The following LRRC8D variants were observed in gnomAD, a reference collection of about 807,000 sequenced individuals.
LRRC8D encodes volume-regulated anion channel subunit LRRC8D.
In LRRC8D, 20 loss-of-function variants were observed where a neutral mutation model predicts 55.8. That is an observed-to-expected ratio of 0.36 (90% CI 0.25 to 0.52). LRRC8D has a LOEUF of 0.52. Among genes scored for constraint, LRRC8D ranks in the 20% least tolerant of loss-of-function variants. The pLI, the probability that LRRC8D is intolerant of heterozygous loss-of-function variation, is 0.93. For synonymous variants in LRRC8D, 352 were observed against 377.0 expected (o/e 0.93, Z 0.77); for missense variants, 651 against 1,030.8 (o/e 0.63, Z 5.05).
intron 2 of LRRC8D, among the ~76,000 whole-genome samples, chr1:89,876,123 CT>C (rs1432524854): frequency 1.3e-5 from 2 of 152,124 alleles, no homozygotes; most frequent in Non-Finnish European, 1.5e-5. Flanking sequence ...CTCTTTCCTG[CT>C]GGACCCGTTG....
At chr1:89,909,117 T>G (rs1475772280) in intron 2 of LRRC8D, among the ~76,000 whole-genome samples, 1 of 152,108 alleles carries the variant, frequency 6.6e-6, no homozygotes, top group Non-Finnish European at 1.5e-5. Flanking sequence ...TCAACAACAA[T>G]AACAACAGAA....
At position 89,858,695 on chromosome 1, in the gene LRRC8D, A is replaced by C. The variant is rs576626936; in HGVS notation, c.-3+14913A>C. 3.6e-3 allele frequency among the ~76,000 whole-genome samples: 546 copies of C among 151,112 alleles called. 4 individuals are homozygous for C. Among genetic ancestry groups the C allele is most frequent in the South Asian group, 7.1e-3 (34 of 4,810 alleles). On this transcript the variant is annotated intron_variant, in intron 2 of 2. Transcript: ENST00000337338. ...TTGGACTTTTTTTTTTTCCTTCCTT[A>C]CTTGCTGCATCAAAGTGAACAAATG...
At chr1:89,826,304 G>C (rs1660759352) in intron 1 of LRRC8D, among the ~76,000 whole-genome samples, 1 of 151,712 alleles carries the variant, frequency 6.6e-6, no homozygotes, top group African/African-American at 2.4e-5. Flanking sequence ...TCGCTCTGTC[G>C]CCCAGGCTGG....
intron 2 of LRRC8D, among the ~76,000 whole-genome samples, chr1:89,925,286 A>G (rs1001749669): frequency 6.6e-5 from 10 of 152,110 alleles, no homozygotes; most frequent in Non-Finnish European, 1.2e-4. Context: ...CCCAGATGGG[A>G]CCGTCTAGTT....
Position 89,893,709 on chromosome 1 carries a change from T to C in LRRC8D, c.-2-39358T>C, listed in dbSNP as rs377119704. 9.2e-5 allele frequency among the ~76,000 whole-genome samples: 14 copies of C among 152,318 alleles called. 1 individual carries two copies. The highest frequency in any genetic ancestry group is 3.3e-4 in the Admixed American group (5 of 15,310). On this transcript the variant is annotated intron_variant, in intron 2 of 2. Coordinates refer to ENST00000337338, the MANE Select transcript of LRRC8D (RefSeq NM_001134479.2). ...ATGTCTTTTATACTGGATAGTAGTG[T>C]AAAATGCCTTGAGACATGCAGTTGG...
chr1:89,865,168 G>A (rs758207217), intron 2 of LRRC8D, among the ~76,000 whole-genome samples: 2 of 151,980 alleles, frequency 1.3e-5, no homozygotes, highest in Non-Finnish European at 2.9e-5. Flanking sequence ...AGGATCTCCC[G>A]TGTTTTTGAA....
In LRRC8D at chr1:89,825,692, G is replaced by A. The variant is rs150177223; in HGVS notation, c.-148+4401G>A. ...TGGCTTTAACTTGCCGTTGATGTAA[G>A]TTCATACTTAACTTGAATTTTACAG... is the stretch of plus-strand genomic sequence containing the variant. On this transcript the variant is annotated intron_variant, in intron 1 of 2. Transcript: ENST00000337338. Among the ~76,000 whole-genome samples the A allele has an allele frequency of 2.8e-3, 427 of 152,292 alleles. 3 individuals are homozygous for A. Among genetic ancestry groups the A allele is most frequent in the South Asian group, 6.0e-3 (29 of 4,824 alleles).
Position 89,847,680 on chromosome 1 carries a change from A to T in LRRC8D, c.-3+3898A>T, listed in dbSNP as rs150266803. The stretch of plus-strand genomic sequence containing the variant: ...ATTATAAAGTAAAAAATGCCTTCTT[A>T]GTCAAATTGTAAACTGTAATGCAGT... On this transcript the variant is annotated intron_variant, in intron 2 of 2. Coordinates refer to ENST00000337338, the MANE Select transcript of LRRC8D (RefSeq NM_001134479.2). Among the ~76,000 whole-genome samples, 331 of 152,332 alleles carry T rather than the reference A, an allele frequency of 2.2e-3. 2 individuals are homozygous for T. The highest frequency in any genetic ancestry group is 7.8e-3 in the African/African-American group (324 of 41,564).
chr1:89,901,715 A>G (rs1662856789), intron 2 of LRRC8D, among the ~76,000 whole-genome samples: 1 of 152,232 alleles, frequency 6.6e-6, no homozygotes, highest in South Asian at 2.1e-4. Context: ...TTAAAAAATA[A>G]TTTGATATTT....
chr1:89,888,675 C>T (rs1662485257), intron 2 of LRRC8D, among the ~76,000 whole-genome samples: 1 of 152,080 alleles, frequency 6.6e-6, no homozygotes, highest in African/African-American at 2.4e-5. Flanking sequence ...AGAGCGGGGG[C>T]AGGGAATGTG....
chr1:89,935,684 T>C lies in LRRC8D; in HGVS notation c.*39T>C. On this transcript the variant is annotated 3_prime_UTR_variant, in exon 3 of 3. Coordinates refer to ENST00000337338, the MANE Select transcript of LRRC8D (RefSeq NM_001134479.2). ...ATGCACAGTGATGTGCAGGAACAAC[T>C]TCCTAGATTGCAAGTGCTCACGTAC... 2.6e-6 allele frequency: 4 copies of C among 1,563,908 alleles called. No individual in the cohort carries two copies. The highest frequency in any genetic ancestry group is 3.5e-6 in the Non-Finnish European group (4 of 1,142,486).
chr1:89,872,357 G>A (rs188791559), intron 2 of LRRC8D, among the ~76,000 whole-genome samples: 4 of 152,298 alleles, frequency 2.6e-5, no homozygotes, highest in Admixed American at 1.3e-4. Flanking sequence ...GCATAAGGTC[G>A]AAAACTGCCC....
intron 2 of LRRC8D, among the ~76,000 whole-genome samples, chr1:89,920,989 T>C (rs1570891626): frequency 6.6e-6 from 1 of 152,378 alleles, no homozygotes; most frequent in Non-Finnish European, 1.5e-5. Flanking sequence ...TTTGCCCAGG[T>C]TGACCAAGAG....
Position 89,871,220 on chromosome 1 carries a change from T to C in LRRC8D, c.-3+27438T>C, listed in dbSNP as rs146487745. 9.8e-4 allele frequency among the ~76,000 whole-genome samples: 149 copies of C among 152,368 alleles called. No individual in the cohort carries two copies. In the Middle Eastern group the frequency reaches 0.01, roughly 10 times the overall value. On this transcript the variant is annotated intron_variant, in intron 2 of 2. Transcript: ENST00000337338. Reference sequence around the variant, plus strand: ...TCTTTTCTTGCAGCTGTCTTGTTTATAGAGTCAAATTATCTTATGTCTATC... The same window carrying C: ...TCTTTTCTTGCAGCTGTCTTGTTTACAGAGTCAAATTATCTTATGTCTATC...
At chr1:89,830,223 CAA>C (rs1660855198) in intron 1 of LRRC8D, among the ~76,000 whole-genome samples, 1 of 152,020 alleles carries the variant, frequency 6.6e-6, no homozygotes, top group Admixed American at 6.5e-5. Flanking sequence ...TTATTCTGTT[CAA>C]GTTTTACTTT....
intron 2 of LRRC8D, among the ~76,000 whole-genome samples, chr1:89,870,773 T>C (rs1263040485): frequency 6.6e-6 from 1 of 152,152 alleles, no homozygotes; most frequent in East Asian, 1.9e-4. Context: ...AAGATAGAAC[T>C]TTAAGGAAAA....
chr1:89,926,077 T>A (rs1322263423), intron 2 of LRRC8D, among the ~76,000 whole-genome samples: 1 of 152,240 alleles, frequency 6.6e-6, no homozygotes, highest in African/African-American at 2.4e-5. Flanking sequence ...TTGTTTTCCC[T>A]CTCCCCACCA....
chr1:89,881,990 A>C (rs774489512), intron 2 of LRRC8D, among the ~76,000 whole-genome samples: 11 of 152,176 alleles, frequency 7.2e-5, no homozygotes, highest in Non-Finnish European at 1.5e-4. Flanking sequence ...GGAGTAGTGC[A>C]CTGGGAGGGG....
At chr1:89,904,287 C>G (rs1178331295) in intron 2 of LRRC8D, among the ~76,000 whole-genome samples, 1 of 152,196 alleles carries the variant, frequency 6.6e-6, no homozygotes, top group African/African-American at 2.4e-5. Context: ...ACCATCTGAC[C>G]ACTGGTGAAT....
Sources: gnomAD v4.1 joint callset for allele counts (sites outside exome capture counted in the v4.1 genomes callset) on GRCh38, gnomAD v4.1.1 for gene constraint, MANE v1.5 for transcripts, NCBI Gene and HGNC (gene_info 2026-07-23, HGNC 2026-07-21) for gene names.